Variants in STT3A observed in about 807,000 individuals in gnomAD.
STT3A encodes the protein dolichyl-diphosphooligosaccharide--protein glycosyltransferase subunit STT3A.
STT3A carries 34 observed loss-of-function variants against 89.2 expected under a neutral mutation model. The observed-to-expected ratio is 0.38, with a 90% CI of 0.29 to 0.51. The LOEUF (loss-of-function observed/expected upper bound fraction) is 0.51. STT3A is among the 20% of genes least tolerant of loss of function. STT3A has a pLI of 0.89. For missense variants in STT3A, 555 were observed against 889.5 expected, an observed-to-expected ratio of 0.62 and a Z score of 4.78; for synonymous variants, 282 against 310.3, an observed-to-expected ratio of 0.91 and a Z score of 0.96.
intron 8 of STT3A, 49 bp downstream of exon 8, chr11:125,606,514 G>A: frequency 6.4e-7 from 1 of 1,554,618 alleles, no homozygotes; most frequent in Non-Finnish European, 8.7e-7. Flanking sequence ...TTTCTATGCA[G>A]CCCCAACTAG....
rs1344903332 is a variant in STT3A at position 125,620,777 on chromosome 11, G to A, written c.2085G>A (p.Lys695=). 3 of 1,613,874 alleles carry A rather than the reference G, an allele frequency of 1.9e-6. 1 individual carries two copies. In the South Asian group the frequency reaches 3.3e-5, roughly 18 times the overall value. The change falls in exon 18 of 18, where the codon AAG becomes AAA. Residue 695 remains lysine (K), a synonymous_variant. Transcript: ENST00000392708. ...EHWLVRIYKV[K]DLDNRGLSRT ...CTGACATCTTTATGTTGCAGGTAAA[G>A]GACCTGGATAATCGAGGCTTGTCAA...
At position 125,614,806 on chromosome 11, in the gene STT3A, G is replaced by A. The variant is rs115257091; in HGVS notation, c.1774+380G>A. ...GAAATGTTTTATATGGCCTGACAGC[G>A]TGTAAAAAAAGAGAACATTTTATAT... On this transcript the variant is annotated intron_variant, in intron 15 of 17. Coordinates refer to ENST00000392708, the MANE Select transcript of STT3A (RefSeq NM_152713.5). This position sits in a 1 kb window ranked among gnomAD's most constrained non-coding sequence, Gnocchi z 4.9. Among the ~76,000 whole-genome samples, 10 of 151,182 alleles carry A rather than the reference G, an allele frequency of 6.6e-5. No individual in the cohort carries two copies. The highest frequency in any genetic ancestry group is 2.6e-4 in the Admixed American group (4 of 15,176).
intron 3 of STT3A, among the ~76,000 whole-genome samples, chr11:125,599,471 G>C (rs532970987): frequency 1.3e-5 from 2 of 152,160 alleles, no homozygotes; most frequent in Non-Finnish European, 2.9e-5. Context: ...AAGTTCAGTG[G>C]CTCAGTTATG....
intron 3 of STT3A, among the ~76,000 whole-genome samples, chr11:125,600,649 T>C (rs1027668620): frequency 1.3e-5 from 2 of 152,174 alleles, no homozygotes; most frequent in African/African-American, 4.8e-5. Context: ...AGGTGTTATC[T>C]ACCTCACCCA....
Position 125,611,532 on chromosome 11 carries a change from T to C in STT3A, c.1209+13T>C. 6.2e-7 allele frequency: 1 copy of C among 1,611,742 alleles called. No homozygotes were observed. The highest frequency in any genetic ancestry group is 8.5e-7 in the Non-Finnish European group (1 of 1,178,294). ...TTCAGCTGTAATGGTGAGGATGCCC[T>C]CAGTCTGGTAGACTTTTTCACTCTA... On this transcript the variant is annotated intron_variant, in intron 11 of 17. Coordinates refer to ENST00000392708, the MANE Select transcript of STT3A (RefSeq NM_152713.5).
Position 125,603,273 on chromosome 11 carries a change from G to GA in STT3A, c.417+328dup. 3 of 210,338 alleles carry GA rather than the reference G, an allele frequency of 1.4e-5. 1 individual carries two copies. In the South Asian group the frequency reaches 4.0e-4, roughly 28 times the overall value. 13.0% of individuals were successfully genotyped at this position (210,338 alleles called of 1,614,324 possible). A position where few individuals can be genotyped will look rare whatever the true frequency, so the allele number is the denominator to read the frequency against. ...AAGGGAGAGGAAAAAAAAACTACAT[G>GA]AAACATTCCAAAACGGTTAGTTTTT... On this transcript the variant is annotated intron_variant, in intron 5 of 17. Coordinates refer to ENST00000392708, the MANE Select transcript of STT3A (RefSeq NM_152713.5).
intron 10 of STT3A, 50 bp downstream of exon 10, chr11:125,609,639 T>G: frequency 3.8e-6 from 6 of 1,572,330 alleles, no homozygotes; most frequent in Non-Finnish European, 5.2e-6. Flanking sequence ...AATCACAATT[T>G]GATTCCAAAT....
At position 125,622,423 on chromosome 11, in the gene STT3A, GA is replaced by G. The variant is rs1565355583; in HGVS notation, c.*1616del. On this transcript the variant is annotated 3_prime_UTR_variant, in exon 18 of 18. Coordinates refer to ENST00000392708, the MANE Select transcript of STT3A (RefSeq NM_152713.5). ...TTATCAATATGATTAATACCAGTTA[GA>G]AATTATTAATGATCTTCCTTTATAC... The G allele has an allele frequency of 6.6e-6, 1 of 152,204 alleles. No homozygotes were observed. The highest frequency in any genetic ancestry group is 1.5e-5 in the Non-Finnish European group (1 of 68,036). 9.4% of individuals were successfully genotyped at this position (152,204 alleles called of 1,614,324 possible).
intron 15 of STT3A, among the ~76,000 whole-genome samples, chr11:125,616,924 C>A (rs935951243): frequency 2.0e-5 from 3 of 152,156 alleles, no homozygotes; most frequent in African/African-American, 7.2e-5. Flanking sequence ...GTGATCCGCC[C>A]ATCTCAGCCT....
At chr11:125,596,969 A>G (rs1939517164) in intron 2 of STT3A, 90 bp from the exon 3 acceptor site, 1 of 1,364,424 alleles carries the variant, frequency 7.3e-7, no homozygotes, top group South Asian at 1.2e-5. Flanking sequence ...TGACCTCTCT[A>G]CTGGATAATA....
At chr11:125,592,770 C>T (rs1004954728), upstream of STT3A, 1 of 265,046 alleles carries the variant, frequency 3.8e-6, no homozygotes, top group Non-Finnish European at 7.8e-6. Context: ...AGTTCCGAGA[C>T]CCTATCGCTC....
chr11:125,611,531 C>G lies in STT3A; in HGVS notation c.1209+12C>G, dbSNP rs1398412932. On this transcript the variant is annotated intron_variant, in intron 11 of 17. Coordinates refer to ENST00000392708, the MANE Select transcript of STT3A (RefSeq NM_152713.5). ...TTTCAGCTGTAATGGTGAGGATGCC[C>G]TCAGTCTGGTAGACTTTTTCACTCT... is the stretch of plus-strand genomic sequence containing the variant. 5.6e-6 allele frequency: 9 copies of G among 1,611,796 alleles called. No homozygotes were observed. Among genetic ancestry groups the G allele is most frequent in the Non-Finnish European group, 5.9e-6 (7 of 1,178,542 alleles).
rs1157342644 is a variant in STT3A, at chr11:125,613,072, C to G, written c.1449C>G (p.Tyr483Ter). The G allele has an allele frequency of 2.5e-6, 4 of 1,614,058 alleles. No homozygotes were observed. Among genetic ancestry groups the G allele is most frequent in the Non-Finnish European group, 3.4e-6 (4 of 1,180,038 alleles). ...CAACCTGGGTGACCAGTGAGGCCTA[C>G]TCTTCTCCGTCCATTGTACTATCTG... The part of the protein sequence containing the change: ...FHSTWVTSEA[Y>*]SSPSIVLSAR... The change falls in exon 13 of 18, where the codon TAC becomes TAG. Residue 483 changes from tyrosine to a stop codon, truncating the protein, a stop_gained. Transcript: ENST00000392708. LOFTEE classifies it high-confidence loss of function. The surrounding 1 kb of genome is among the most constrained non-coding windows in gnomAD (Gnocchi z 4.2).
At chr11:125,608,775 C>T (rs1591376393) in intron 9 of STT3A, among the ~76,000 whole-genome samples, 1 of 152,192 alleles carries the variant, frequency 6.6e-6, no homozygotes, top group African/African-American at 2.4e-5. Context: ...TACATTCAAT[C>T]CACTTTTCAG....
At chr11:125,612,848 TC>T in intron 12 of STT3A, 101 bp downstream of exon 12, 1 of 1,520,680 alleles carries the variant, frequency 6.6e-7, no homozygotes, top group Non-Finnish European at 9.0e-7. Flanking sequence ...TAGAGCACTG[TC>T]CTAGGTGGTC....
chr11:125,620,966 G>C lies in STT3A; in HGVS notation c.*156G>C, dbSNP rs542090523. ...AGTTTTGTCTTGGGCAGTATGGGCT[G>C]GGCCAAATGAAATGATTTTTATAAT... On this transcript the variant is annotated 3_prime_UTR_variant, in exon 18 of 18. Transcript: ENST00000392708. 114 of 514,528 alleles carry C rather than the reference G, an allele frequency of 2.2e-4. No homozygotes were observed. Among genetic ancestry groups the C allele is most frequent in the Non-Finnish European group, 1.9e-4 (56 of 297,846 alleles). 31.9% of individuals were successfully genotyped at this position (514,528 alleles called of 1,614,324 possible). A position where few individuals can be genotyped will look rare whatever the true frequency, so the allele number is the denominator to read the frequency against.
chr11:125,595,191 A>G (rs1939452644), intron 1 of STT3A, among the ~76,000 whole-genome samples: 1 of 147,382 alleles, frequency 6.8e-6, no homozygotes, highest in African/African-American at 2.5e-5. Flanking sequence ...CTTTTTAAAG[A>G]GAGGAGGTCT....
intron 15 of STT3A, among the ~76,000 whole-genome samples, chr11:125,617,599 T>A (rs770711016): frequency 1.3e-5 from 2 of 152,236 alleles, no homozygotes; most frequent in Non-Finnish European, 2.9e-5. Flanking sequence ...AGAGATATCA[T>A]GAGTTGATGA....
At position 125,621,975 on chromosome 11, in the gene STT3A, C is replaced by T. The variant is rs1196794002; in HGVS notation, c.*1165C>T. 1 of 152,202 alleles carries T rather than the reference C, an allele frequency of 6.6e-6. No homozygotes were observed. The highest frequency in any genetic ancestry group is 1.5e-5 in the Non-Finnish European group (1 of 68,056). The allele number at this position is 152,202 out of a possible 1,614,324, so 9.4% of individuals were successfully genotyped here. On this transcript the variant is annotated 3_prime_UTR_variant, in exon 18 of 18. Transcript: ENST00000392708. ...ACTTGGGCCTGGGAGGTTGAGGCTA[C>T]AGTGAACTGTGATTGTGCCACTGTA...
Sources: allele counts gnomAD v4.1 joint callset (sites outside exome capture counted in the v4.1 genomes callset), GRCh38; gene constraint gnomAD v4.1.1; non-coding constraint Gnocchi (gnomAD v3.1); transcripts MANE v1.5; gene names NCBI Gene and HGNC (gene_info 2026-07-23, HGNC 2026-07-21).